The following KSR2 variants were observed in gnomAD, a reference collection of about 807,000 sequenced individuals.
KSR2 encodes kinase suppressor of ras 2.
In KSR2, 25 loss-of-function variants were observed where a neutral mutation model predicts 107.8. The ratio of observed to expected loss-of-function variants is 0.23; its 90% CI spans 0.17 to 0.32. KSR2 has a LOEUF of 0.32. KSR2 is among the 10% of genes least tolerant of loss of function. The pLI is 1.00. For missense variants in KSR2, 887 were observed against 1,268.9 expected, an observed-to-expected ratio of 0.70 and a Z score of 4.57; for synonymous variants, 480 against 507.0, an observed-to-expected ratio of 0.95 and a Z score of 0.71.
intron 4 of KSR2, among the ~76,000 whole-genome samples, chr12:117,672,867 C>T (rs944353189): frequency 1.3e-5 from 2 of 152,200 alleles, no homozygotes; most frequent in African/African-American, 4.8e-5. Flanking sequence ...TTGTGATCTG[C>T]CCATCTTGGC....
intron 7 of KSR2, among the ~76,000 whole-genome samples, chr12:117,578,743 G>T (rs1002325275): frequency 1.3e-5 from 2 of 152,020 alleles, no homozygotes; most frequent in African/African-American, 4.8e-5. Context: ...AAATGAAGTT[G>T]TCAAGACTGT....
intron 4 of KSR2, among the ~76,000 whole-genome samples, chr12:117,694,845 CTTTT>C (rs34228762): frequency 0.046 from 4,601 of 99,124 alleles, 259 homozygotes; most frequent in African/African-American, 0.16. Context: ...TTGTATGATT[CTTTT>C]TTTTTTTTTT....
intron 14 of KSR2, among the ~76,000 whole-genome samples, chr12:117,493,640 G>C (rs968451393): frequency 1.5e-4 from 23 of 152,272 alleles, no homozygotes; most frequent in Admixed American, 1.2e-3. Flanking sequence ...GTTGCCTGGA[G>C]CCTATGATGA....
intron 3 of KSR2, among the ~76,000 whole-genome samples, chr12:117,828,254 C>T (rs1265227770): frequency 6.6e-6 from 1 of 152,164 alleles, no homozygotes; most frequent in African/African-American, 2.4e-5. Context: ...AACGATACAT[C>T]CCACAGCCTG....
At chr12:117,832,611 C>T (rs1192559484) in intron 3 of KSR2, among the ~76,000 whole-genome samples, 2 of 152,212 alleles carry the variant, frequency 1.3e-5, no homozygotes, top group East Asian at 3.9e-4. Flanking sequence ...CAGTAGCTGC[C>T]TGATGTCACA....
intron 14 of KSR2, among the ~76,000 whole-genome samples, chr12:117,486,502 C>T (rs750142121): frequency 1.3e-5 from 2 of 152,156 alleles, no homozygotes; most frequent in Admixed American, 6.5e-5. Context: ...CTCAGAGTAT[C>T]CAATGTGGGC....
At chr12:117,699,589 T>C (rs1016542210) in intron 4 of KSR2, among the ~76,000 whole-genome samples, 1 of 152,096 alleles carries the variant, frequency 6.6e-6, no homozygotes, top group Non-Finnish European at 1.5e-5. Context: ...CATCTAAACA[T>C]AGAAAAGGTA....
chr12:117,564,465 A>ACAT (rs761096401), intron 7 of KSR2, among the ~76,000 whole-genome samples: 1 of 122,596 alleles, frequency 8.2e-6, no homozygotes, highest in Non-Finnish European at 2.0e-5. Context: ...CACACACAGA[A>ACAT]AAAGCCTGCA....
intron 4 of KSR2, among the ~76,000 whole-genome samples, chr12:117,746,693 GTCTAA>G (rs1888418313): frequency 1.3e-5 from 2 of 151,648 alleles, no homozygotes; most frequent in Non-Finnish European, 2.9e-5. Context: ...TCTGACAAAG[GTCTAA>G]TATGCAGAAT....
In KSR2 at chr12:117,808,671, T is replaced by A. The variant is rs12310152; in HGVS notation, c.472+46757A>T. On this transcript the variant is annotated intron_variant, in intron 3 of 19. Transcript: ENST00000339824. ...CATCTCAATCTGAAGCCTCTGCCCA[T>A]CTCTCCATCCTCAACTCCTACACCC... Among the ~76,000 whole-genome samples the A allele has an allele frequency of 5.3e-3, 808 of 152,228 alleles. 11 individuals carry two copies. Among genetic ancestry groups the A allele is most frequent in the African/African-American group, 0.019 (783 of 41,546 alleles).
chr12:117,757,755 TG>T (rs1408900902), intron 4 of KSR2, among the ~76,000 whole-genome samples: 2 of 152,240 alleles, frequency 1.3e-5, no homozygotes, highest in Non-Finnish European at 2.9e-5. Flanking sequence ...TCTAAATTAA[TG>T]TATGTACATT....
intron 4 of KSR2, among the ~76,000 whole-genome samples, chr12:117,736,298 AATTTCAC>A (rs1310422824): frequency 6.6e-6 from 1 of 152,112 alleles, no homozygotes; most frequent in Non-Finnish European, 1.5e-5. Flanking sequence ...CAAGTCTGTA[AATTTCAC>A]AGCTTTCTCT....
intron 4 of KSR2, among the ~76,000 whole-genome samples, chr12:117,723,810 T>A (rs926527201): frequency 7.2e-5 from 11 of 152,074 alleles, no homozygotes; most frequent in Admixed American, 1.3e-4. Flanking sequence ...ATATCATTTT[T>A]TAAAAAAATC....
At chr12:117,579,057 C>A in intron 7 of KSR2, 62 bp downstream of exon 7, 1 of 1,185,884 alleles carries the variant, frequency 8.4e-7, no homozygotes. Flanking sequence ...TGTTCAGTGC[C>A]CTGCATGGTT....
At chr12:117,484,246 G>A (rs913245376) in intron 16 of KSR2, among the ~76,000 whole-genome samples, 170 bp downstream of exon 16, 2 of 152,196 alleles carry the variant, frequency 1.3e-5, no homozygotes, top group African/African-American at 2.4e-5. Context: ...CCCCCAGGGG[G>A]AAACAGAGCA....
At position 117,933,463 on chromosome 12, in the gene KSR2, G is replaced by A. The variant is rs556078939; in HGVS notation, c.180+34613C>T. 4.6e-5 allele frequency among the ~76,000 whole-genome samples: 7 copies of A among 152,130 alleles called. No homozygotes were observed. The South Asian group carries it at 8.3e-4, about 18-fold the overall frequency. ...AAATTAGCCGGGTGTGGTGGCGGGC[G>A]CCTGTGGTCCCAGCTACTTGGGAGG... On this transcript the variant is annotated intron_variant, in intron 1 of 19. Coordinates refer to ENST00000339824, the MANE Select transcript of KSR2 (RefSeq NM_173598.6).
At position 117,459,098 on chromosome 12, in the gene KSR2, C is replaced by A. The variant is rs1295074977; in HGVS notation, c.*8101G>T. On this transcript the variant is annotated 3_prime_UTR_variant, in exon 20 of 20. Coordinates refer to ENST00000339824, the MANE Select transcript of KSR2 (RefSeq NM_173598.6). ...TCCCAGAAGATAAATGATTTTTCTCCAAGCAGGCAGATTACCGAGTAGGAT... is the reference window on the plus strand; with the variant it reads ...TCCCAGAAGATAAATGATTTTTCTCAAAGCAGGCAGATTACCGAGTAGGAT... 1 of 152,172 alleles carries A rather than the reference C, an allele frequency of 6.6e-6. No homozygotes were observed. The highest frequency in any genetic ancestry group is 1.5e-5 in the Non-Finnish European group (1 of 68,042). The allele number at this position is 152,172 out of a possible 1,614,324, so 9.4% of individuals were successfully genotyped here. A position where few individuals can be genotyped will look rare whatever the true frequency, so the allele number is the denominator to read the frequency against.
chr12:117,471,476 T>A (rs1478614517), intron 17 of KSR2, among the ~76,000 whole-genome samples, 156 bp from the exon 18 acceptor site: 5 of 152,224 alleles, frequency 3.3e-5, no homozygotes, highest in Non-Finnish European at 7.3e-5. Flanking sequence ...ATGTGCGACA[T>A]ACCTAAAGCT....
intron 7 of KSR2, among the ~76,000 whole-genome samples, chr12:117,566,253 G>C (rs1228781829): frequency 1.3e-5 from 2 of 152,146 alleles, no homozygotes; most frequent in Admixed American, 6.5e-5. Context: ...CTGAGTAGCT[G>C]GGATTACAGG....
Sources: allele counts gnomAD v4.1 joint callset (sites outside exome capture counted in the v4.1 genomes callset), GRCh38; gene constraint gnomAD v4.1.1; transcripts MANE v1.5; gene names NCBI Gene and HGNC (gene_info 2026-07-23, HGNC 2026-07-21).